Variants in MYBBP1A observed in about 807,000 individuals in gnomAD.
MYBBP1A encodes the protein myb-binding protein 1A.
In MYBBP1A, 147 loss-of-function variants were observed where a neutral mutation model predicts 136.3. The ratio of observed to expected loss-of-function variants is 1.08; its 90% confidence interval spans 0.94 to 1.24. The LOEUF is 1.24. MYBBP1A is among the 50% of genes most tolerant of loss of function. The pLI is 0.00. For missense variants in MYBBP1A, 2,060 were observed against 1,727.4 expected (o/e 1.19, Z -3.41); for synonymous variants, 947 against 735.8 (o/e 1.29, Z -4.65).
In MYBBP1A at chr17:4,545,337, G is replaced by A. The variant is rs1414470205; in HGVS notation, c.2082C>T (p.Asn694=). The A allele has an allele frequency of 2.5e-6, 4 of 1,613,102 alleles. No homozygotes were observed. In the African/African-American group the frequency reaches 4.0e-5, roughly 16 times the overall value. The change falls in exon 16 of 26, where the codon AAC becomes AAT. Residue 694 remains asparagine (N), a synonymous_variant. Coordinates refer to ENST00000254718, the MANE Select transcript of MYBBP1A (RefSeq NM_014520.4). ...CATTCTCATCCTCACTGGTCTCGGG[G>A]TTCAGCACCTGGGGAGGGGTGCCAG... ...RALQLILDVL[N]PETSEDENDR... is the part of the protein sequence containing the mutation.
At chr17:4,547,758 A>G in intron 13 of MYBBP1A, 200 bp downstream of exon 13, 1 of 491,710 alleles carries the variant, frequency 2.0e-6, no homozygotes. Context: ...CTGCATGGAA[A>G]GCCTAGGACA....
chr17:4,552,417 C>T lies in MYBBP1A; in HGVS notation c.737+34G>A. ...CCTGGCCAGATGCAGTCCCTTGGCC[C>T]CAGGGAGGGCAAATCCGCCCACCTC... On this transcript the variant is annotated intron_variant, in intron 6 of 25. Coordinates refer to ENST00000254718, the MANE Select transcript of MYBBP1A (RefSeq NM_014520.4). This position sits in a 1 kb window ranked among gnomAD's most constrained non-coding sequence, Gnocchi z 4.7. 1.9e-6 allele frequency: 3 copies of T among 1,608,498 alleles called. No homozygotes were observed. The highest frequency in any genetic ancestry group is 2.5e-6 in the Non-Finnish European group (3 of 1,178,260).
At position 4,552,638 on chromosome 17, in the gene MYBBP1A, G is replaced by A. The variant is rs376876832; in HGVS notation, c.562-12C>T. 4 of 1,608,796 alleles carry A rather than the reference G, an allele frequency of 2.5e-6. No homozygotes were observed. The African/African-American group carries it at 4.0e-5, about 16-fold the overall frequency. On this transcript the variant is annotated splice_polypyrimidine_tract_variant and intron_variant, in intron 5 of 25. Transcript: ENST00000254718. The surrounding 1 kb of genome is among the most constrained non-coding windows in gnomAD (Gnocchi z 4.7). ...GTGGCCTTCGAGACCTAAGGATGGA[G>A]GGAGAAGAAATCGTGACTTCCTCTG...
At chr17:4,553,514 C>T (rs1403559428) in intron 5 of MYBBP1A, among the ~76,000 whole-genome samples, 1 of 152,224 alleles carries the variant, frequency 6.6e-6, no homozygotes, top group Non-Finnish European at 1.5e-5. Context: ...CTAAGTGTAA[C>T]ATACACACTG....
rs1167279358 is a variant in MYBBP1A, at chr17:4,552,975, T to C, written c.562-349A>G. 6.6e-6 allele frequency among the ~76,000 whole-genome samples: 1 copy of C among 151,966 alleles called. No homozygotes were observed. The highest frequency in any genetic ancestry group is 1.5e-5 in the Non-Finnish European group (1 of 67,972). On this transcript the variant is annotated intron_variant, in intron 5 of 25. Transcript: ENST00000254718. This position sits in a 1 kb window ranked among gnomAD's most constrained non-coding sequence, Gnocchi z 4.7. ...CAGGTGGGATTAAAGGTGTGCGCCA[T>C]CACACCCAGCTAATTTTTGTATTTT... is the stretch of plus-strand genomic sequence containing the variant.
chr17:4,542,435 C>T, intron 22 of MYBBP1A, 29 bp downstream of exon 22: 1 of 1,590,126 alleles, frequency 6.3e-7, no homozygotes, highest in South Asian at 1.1e-5. Context: ...TCAGACAGGC[C>T]CTGGGCTGGG....
In MYBBP1A at chr17:4,544,735, C is replaced by T; in HGVS notation, c.2481+16G>A. The T allele has an allele frequency of 1.3e-6, 2 of 1,519,638 alleles. No individual in the cohort carries two copies. Among genetic ancestry groups the T allele is most frequent in the African/African-American group, 1.6e-5 (1 of 63,180 alleles). 94.1% of individuals were successfully genotyped at this position (1,519,638 alleles called of 1,614,324 possible). On this transcript the variant is annotated intron_variant, in intron 18 of 25. Coordinates refer to ENST00000254718, the MANE Select transcript of MYBBP1A (RefSeq NM_014520.4). ...ACAGGGAGGCGGGGGTGGGTGCGGC[C>T]CGCCCCCAGGCTCACCCGGATCTGG...
At chr17:4,542,296 G>T in intron 22 of MYBBP1A, 168 bp downstream of exon 22, 1 of 766,298 alleles carries the variant, frequency 1.3e-6, no homozygotes. Flanking sequence ...GCCAGGGCAC[G>T]GCCACCCCCT....
chr17:4,547,102 G>T (rs528316488), intron 13 of MYBBP1A, among the ~76,000 whole-genome samples: 64 of 152,126 alleles, frequency 4.2e-4, no homozygotes, highest in African/African-American at 1.5e-3. Flanking sequence ...GTAGAGAAGG[G>T]GTTTCACTCT....
rs772128410 is a variant in MYBBP1A, at chr17:4,545,656, T to A, written c.2027A>T (p.His676Leu). 6.2e-7 allele frequency: 1 copy of A among 1,610,416 alleles called. No individual in the cohort carries two copies. The highest frequency in any genetic ancestry group is 1.1e-5 in the South Asian group (1 of 90,902). Reference sequence around the variant, plus strand: ...ACGCGGGGTCAGGTGGGAGCAGATGTGGCCAAACACGCTCCGGGCCACCTG... The same window carrying A: ...ACGCGGGGTCAGGTGGGAGCAGATGAGGCCAAACACGCTCCGGGCCACCTG... ...MRQVARSVFG[H>L]ICSHLTPRAL... The change falls in exon 15 of 26, where the codon CAC (histidine) becomes CTC (leucine). Residue 676 changes from histidine (H) to leucine (L), a missense_variant. Physicochemically the swap from His to Leu is moderately conservative, Grantham distance 99. Coordinates refer to ENST00000254718, the MANE Select transcript of MYBBP1A (RefSeq NM_014520.4).
chr17:4,548,724 C>T lies in MYBBP1A; in HGVS notation c.1431-75G>A, dbSNP rs1907230751. 9 of 1,588,276 alleles carry T rather than the reference C, an allele frequency of 5.7e-6. No individual in the cohort carries two copies. Among genetic ancestry groups the T allele is most frequent in the Non-Finnish European group, 7.7e-6 (9 of 1,163,998 alleles). Reference sequence around the variant, plus strand: ...ACAGGCTCCCCTCCTTGGATGGTACCACCGAGGGTACAAGGCCAGGAGGAG... The same window carrying T: ...ACAGGCTCCCCTCCTTGGATGGTACTACCGAGGGTACAAGGCCAGGAGGAG... On this transcript the variant is annotated intron_variant, in intron 10 of 25. Transcript: ENST00000254718. This position sits in a 1 kb window ranked among gnomAD's most constrained non-coding sequence, Gnocchi z 4.2.
rs1384761965 is a variant in MYBBP1A, at chr17:4,552,463, T to A, written c.725A>T (p.Glu242Val). Residue 242 changes from glutamate to valine, a missense_variant, in exon 6 of 26, where the codon GAG becomes GTG. Transcript: ENST00000254718. This position sits in a 1 kb window ranked among gnomAD's most constrained non-coding sequence, Gnocchi z 4.7. ...ACCTCCATCACACCTGGGGACATTC[T>A]CATCTGAGAATAGGTTCACGGATCC... ...LVGSVNLFSDENVPRLVNVLK... is the reference protein window; with the variant it reads ...LVGSVNLFSDVNVPRLVNVLK... 1 of 1,613,040 alleles carries A rather than the reference T, an allele frequency of 6.2e-7. No homozygotes were observed. The highest frequency in any genetic ancestry group is 8.5e-7 in the Non-Finnish European group (1 of 1,180,016).
intron 15 of MYBBP1A, 123 bp downstream of exon 15, chr17:4,545,487 G>C: frequency 6.7e-7 from 1 of 1,492,272 alleles, no homozygotes; most frequent in Non-Finnish European, 9.0e-7. Flanking sequence ...AGGCCTCGTT[G>C]AGACCCCTCC....
rs1436389579 is a variant in MYBBP1A at position 4,541,393 on chromosome 17, T to TGC, written c.3297+68_3297+69dup. 5.8e-6 allele frequency: 8 copies of TGC among 1,368,224 alleles called. No homozygotes were observed. In the East Asian group the frequency reaches 1.8e-4, roughly 31 times the overall value. The allele number at this position is 1,368,224 out of a possible 1,614,324, so 84.8% of individuals were successfully genotyped here. On this transcript the variant is annotated intron_variant, in intron 24 of 25. Transcript: ENST00000254718. The stretch of plus-strand genomic sequence containing the variant: ...CTGCAGTCCAGCCCGGGCATGGCAC[T>TGC]GCTGGCCGGGAGGCCCCAAGGCCCC...
Position 4,549,850 on chromosome 17 carries a change from G to C in MYBBP1A, c.1319+208C>G, listed in dbSNP as rs116310088. Among the ~76,000 whole-genome samples the C allele has an allele frequency of 2.9e-3, 426 of 148,246 alleles. 2 individuals carry two copies. The highest frequency in any genetic ancestry group is 0.01 in the African/African-American group (403 of 40,108). On this transcript the variant is annotated intron_variant, in intron 9 of 25. Coordinates refer to ENST00000254718, the MANE Select transcript of MYBBP1A (RefSeq NM_014520.4). ...GGACATTCCTTTGCCTGATCTCAGA[G>C]ACAACACTCCAAGATCTCCCCATCC...
rs1213167077 is a variant in MYBBP1A at position 4,545,313 on chromosome 17, A to G, written c.2106T>C (p.Asn702=). The stretch of plus-strand genomic sequence containing the variant: ...AATCGTCCGTCACCACCACACGGTC[A>G]TTCTCATCCTCACTGGTCTCGGGGT... The part of the protein sequence containing the change: ...VLNPETSEDE[N]DRVVVTDDSD... The change falls in exon 16 of 26, where the codon AAT becomes AAC. Residue 702 remains asparagine (N), a synonymous_variant. Transcript: ENST00000254718. 1 of 1,612,560 alleles carries G rather than the reference A, an allele frequency of 6.2e-7. No homozygotes were observed. Among genetic ancestry groups the G allele is most frequent in the East Asian group, 2.2e-5 (1 of 44,814 alleles).
chr17:4,552,309 A>G lies in MYBBP1A; in HGVS notation c.738-17T>C, dbSNP rs1255423287. On this transcript the variant is annotated splice_polypyrimidine_tract_variant and intron_variant, in intron 6 of 25. Coordinates refer to ENST00000254718, the MANE Select transcript of MYBBP1A (RefSeq NM_014520.4). The surrounding 1 kb of genome is among the most constrained non-coding windows in gnomAD (Gnocchi z 4.7). ...TTCACCAGCCTGCGGAGGGCAAGGG[A>G]CTCAGGGAACACTTGCCTCACAGGC... 1.4e-5 allele frequency: 22 copies of G among 1,613,466 alleles called. No homozygotes were observed. The highest frequency in any genetic ancestry group is 1.8e-5 in the Non-Finnish European group (21 of 1,179,868).
chr17:4,544,987 C>A, intron 17 of MYBBP1A, 39 bp downstream of exon 17: 3 of 1,400,988 alleles, frequency 2.1e-6, no homozygotes, highest in Non-Finnish European at 2.9e-6. Flanking sequence ...GACACCCGAG[C>A]CCTCCCCGGC....
At position 4,539,546 on chromosome 17, in the gene MYBBP1A, C is replaced by A; in HGVS notation, c.3856G>T (p.Val1286Phe). ...GCGGACAGTGGTGATTTGCCCAAGA[C>A]CCCCTTTTTGGGAAGAGCCTTCTGA... ...QHQKALPKKG[V>F]LGKSPLSALA... Residue 1286 changes from valine (V) to phenylalanine (F), a missense_variant, in exon 26 of 26, where the codon GTC (valine) becomes TTC (phenylalanine). Physicochemically the swap from Val to Phe is conservative, Grantham distance 50. Coordinates refer to ENST00000254718, the MANE Select transcript of MYBBP1A (RefSeq NM_014520.4). The A allele has an allele frequency of 6.2e-7, 1 of 1,614,162 alleles. No individual in the cohort carries two copies. The highest frequency in any genetic ancestry group is 8.5e-7 in the Non-Finnish European group (1 of 1,180,024).
Sources: gnomAD v4.1 joint callset for allele counts (sites outside exome capture counted in the v4.1 genomes callset) on GRCh38, gnomAD v4.1.1 for gene constraint, Gnocchi (gnomAD v3.1) non-coding constraint, MANE v1.5 for transcripts, NCBI Gene and HGNC (gene_info 2026-07-23, HGNC 2026-07-21) for gene names.